Variants in RPSA2 observed in about 807,000 individuals in gnomAD.
The protein encoded by RPSA2 is small ribosomal subunit protein uS2B.
chr19:23,838,157 T>C, the RPSA2 span, among the ~76,000 whole-genome samples: 4 of 152,178 alleles, frequency 2.6e-5, no homozygotes, highest in Non-Finnish European at 5.9e-5. Flanking sequence ...TATAAAGCGA[T>C]GTTGGATTTT....
the RPSA2 span, among the ~76,000 whole-genome samples, chr19:23,767,911 C>T: frequency 5.9e-5 from 9 of 151,620 alleles, no homozygotes; most frequent in African/African-American, 9.7e-5. Context: ...GGATTACAGG[C>T]GCCCACCAGC....
chr19:23,798,941 G>A, the RPSA2 span: 1 of 152,176 alleles, frequency 6.6e-6, no homozygotes, highest in African/African-American at 2.4e-5. Context: ...AGTGCTGGTG[G>A]AAGTTGTCAG....
chr19:23,868,267 G>A, the RPSA2 span, among the ~76,000 whole-genome samples: 151 of 152,250 alleles, frequency 9.9e-4, no homozygotes, highest in African/African-American at 3.2e-3. Context: ...CCTTCTCTGT[G>A]CCTTCTATTA....
chr19:23,810,790 G>A, the RPSA2 span, among the ~76,000 whole-genome samples: 1 of 152,222 alleles, frequency 6.6e-6, no homozygotes, highest in Admixed American at 6.5e-5. Flanking sequence ...CCCCCAGACT[G>A]TGACTGGGAA....
the RPSA2 span, among the ~76,000 whole-genome samples, chr19:23,813,832 C>T: frequency 6.6e-6 from 1 of 151,006 alleles, no homozygotes; most frequent in African/African-American, 2.4e-5. Flanking sequence ...AAGCGATTCT[C>T]CTGCCTCAGC....
At chr19:23,848,024 T>C in the RPSA2 span, among the ~76,000 whole-genome samples, 1 of 152,294 alleles carries the variant, frequency 6.6e-6, no homozygotes, top group Admixed American at 6.5e-5. Context: ...TTTTTCAAGG[T>C]GCACTGATTT....
chr19:23,783,089 TTTAA>T, the RPSA2 span, among the ~76,000 whole-genome samples: 1 of 150,324 alleles, frequency 6.7e-6, no homozygotes, highest in African/African-American at 2.5e-5. Context: ...ATGTATTTCT[TTTAA>T]TTAATTAATT....
the RPSA2 span, among the ~76,000 whole-genome samples, chr19:23,850,981 G>T: frequency 6.6e-6 from 1 of 152,160 alleles, no homozygotes; most frequent in African/African-American, 2.4e-5. Flanking sequence ...ATTCCCCATT[G>T]TTGCATAAAT....
chr19:23,800,494 C>T, the RPSA2 span, among the ~76,000 whole-genome samples: 3 of 152,188 alleles, frequency 2.0e-5, no homozygotes, highest in South Asian at 2.1e-4. Context: ...AGCCAACTCA[C>T]AGTTATGCTG....
chr19:23,822,969 C>T, the RPSA2 span, among the ~76,000 whole-genome samples: 3 of 152,162 alleles, frequency 2.0e-5, no homozygotes, highest in African/African-American at 7.2e-5. Context: ...TGCAACCATG[C>T]AGGTGGAGTC....
the RPSA2 span, chr19:23,843,186 G>C: frequency 9.4e-6 from 2 of 212,778 alleles, no homozygotes; most frequent in East Asian, 1.2e-4. Flanking sequence ...TCAGGCTGTG[G>C]TGTCTCTGTA....
At chr19:23,781,558 C>T in the RPSA2 span, among the ~76,000 whole-genome samples, 20 of 151,838 alleles carry the variant, frequency 1.3e-4, no homozygotes, top group Admixed American at 3.9e-4. Context: ...AGGCTGGTCT[C>T]GAACTCCTGA....
At chr19:23,814,000 C>T in the RPSA2 span, among the ~76,000 whole-genome samples, 2 of 151,760 alleles carry the variant, frequency 1.3e-5, no homozygotes, top group Non-Finnish European at 2.9e-5. Context: ...GGATTACAGG[C>T]GTGAGCCACC....
chr19:23,862,763 A>T, the RPSA2 span, among the ~76,000 whole-genome samples: 1 of 33,936 alleles, frequency 2.9e-5, no homozygotes, highest in Non-Finnish European at 6.0e-5. Flanking sequence ...TATAAGAATA[A>T]AAAAAAAAAC....
the RPSA2 span, among the ~76,000 whole-genome samples, chr19:23,786,868 A>G: frequency 6.6e-6 from 1 of 152,010 alleles, no homozygotes; most frequent in Admixed American, 6.6e-5. Flanking sequence ...GGACATTGTG[A>G]CATGTCTCTG....
chr19:23,814,030 G>A, the RPSA2 span, among the ~76,000 whole-genome samples: 3 of 151,754 alleles, frequency 2.0e-5, no homozygotes, highest in Non-Finnish European at 4.4e-5. Context: ...AGTCCAACAT[G>A]ATGAAACCCC....
chr19:23,855,507 A>T, the RPSA2 span, among the ~76,000 whole-genome samples: 1 of 152,206 alleles, frequency 6.6e-6, no homozygotes, highest in Non-Finnish European at 1.5e-5. Flanking sequence ...AGATAAGCCC[A>T]CACCTCTAAT....
At chr19:23,806,246 T>C in the RPSA2 span, among the ~76,000 whole-genome samples, 8 of 151,820 alleles carry the variant, frequency 5.3e-5, no homozygotes, top group Admixed American at 6.6e-5. Flanking sequence ...GGTTTTACCA[T>C]GTTGGTCAGG....
the RPSA2 span, among the ~76,000 whole-genome samples, chr19:23,822,986 A>G: frequency 2.0e-5 from 3 of 152,136 alleles, no homozygotes; most frequent in Non-Finnish European, 2.9e-5. Context: ...AGTCTGTACT[A>G]TATTTAACCA....
Sources: gnomAD v4.1 joint callset for allele counts (sites outside exome capture counted in the v4.1 genomes callset) on GRCh38, gnomAD v4.1.1 for gene constraint, MANE v1.5 for transcripts, NCBI Gene and HGNC (gene_info 2026-07-23, HGNC 2026-07-21) for gene names.